RTEL1: variants seen among roughly 807,000 people sequenced by gnomAD.
The protein encoded by RTEL1 is regulator of telomere length.
A neutral mutation model predicts 162.2 loss-of-function variants in RTEL1; 86 were observed. The ratio of observed to expected loss-of-function variants is 0.53; its 90% CI spans 0.45 to 0.63. RTEL1 has a LOEUF of 0.63. Among genes scored for constraint, RTEL1 ranks in the 30% least tolerant of loss-of-function variants. The pLI, the probability that RTEL1 is intolerant of heterozygous loss-of-function variation, is 0.00. For synonymous variants in RTEL1, 958 were observed against 717.9 expected (o/e 1.33, Z -5.35); for missense variants, 1,941 against 1,750.2 (o/e 1.11, Z -1.95).
At chr20:63,681,333 G>A in intron 14 of RTEL1, 1 of 985,374 alleles carries the variant, frequency 1.0e-6, no homozygotes, top group African/African-American at 1.7e-5. Flanking sequence ...TGGGTGCTCT[G>A]GGCACGTTGC....
At position 63,691,001 on chromosome 20, in the gene RTEL1, C is replaced by T. The variant is rs564827784; in HGVS notation, c.2556+54C>T. ...CAGACCCTCTGTCTCCTGAGGCCAA[C>T]CCGACCCCGCCCATCTGGCCTCAGG... On this transcript the variant is annotated intron_variant, in intron 27 of 34. Transcript: ENST00000360203. 22 of 1,484,734 alleles carry T rather than the reference C, an allele frequency of 1.5e-5. No individual in the cohort carries two copies. The African/African-American group carries it at 2.8e-4, about 19-fold the overall frequency. The allele number at this position is 1,484,734 out of a possible 1,614,324, so 92.0% of individuals were successfully genotyped here. A position where few individuals can be genotyped will look rare whatever the true frequency, so the allele number is the denominator to read the frequency against.
chr20:63,660,900 C>A, intron 2 of RTEL1: 1 of 211,178 alleles, frequency 4.7e-6, no homozygotes. Context: ...CTTCCCCTCC[C>A]CGAGTTTCCT....
At position 63,691,819 on chromosome 20, in the gene RTEL1, C is replaced by G. The variant is rs778004637; in HGVS notation, c.2634C>G (p.Ile878Met). ...AEEPRGGRKK[I>M]RLVSHPEEPV... ...AACCGCGAGGAGGGAGGAAGAAGAT[C>G]CGGCTGGTCAGCCACCCGGTGCGTG... is the stretch of plus-strand genomic sequence containing the variant. Residue 878 changes from isoleucine (I) to methionine (M), a missense_variant, in exon 28 of 35, where the codon ATC becomes ATG. By Grantham distance (10) the Ile-to-Met change is conservative. Transcript: ENST00000360203. 4 of 1,611,592 alleles carry G rather than the reference C, an allele frequency of 2.5e-6. No individual in the cohort carries two copies. The highest frequency in any genetic ancestry group is 2.2e-5 in the East Asian group (1 of 44,874).
At chr20:63,662,009 TC>T in intron 4 of RTEL1, 66 bp downstream of exon 4, 1 of 1,199,114 alleles carries the variant, frequency 8.3e-7, no homozygotes, top group Non-Finnish European at 1.2e-6. Context: ...TGGTGCTGAG[TC>T]CACAGCCCCA....
intron 4 of RTEL1, among the ~76,000 whole-genome samples, chr20:63,662,196 G>A (rs1569080276): frequency 6.6e-6 from 1 of 152,220 alleles, no homozygotes; most frequent in Non-Finnish European, 1.5e-5. Flanking sequence ...CCTCGCAGGT[G>A]CTGTTGTAGC....
chr20:63,680,622 C>T (rs1484720592), intron 13 of RTEL1, 42 bp from the exon 14 acceptor site: 3 of 1,608,462 alleles, frequency 1.9e-6, no homozygotes, highest in Non-Finnish European at 1.7e-6. Context: ...TCGGGGCCTC[C>T]CCTGCCTGCA....
chr20:63,693,273 G>C lies in RTEL1; in HGVS notation c.2982G>C (p.Leu994=), dbSNP rs1187112291. 2.5e-6 allele frequency: 4 copies of C among 1,611,728 alleles called. No homozygotes were observed. The highest frequency in any genetic ancestry group is 2.2e-5 in the East Asian group (1 of 44,888). The change falls in exon 30 of 35, where the codon CTG becomes CTC. Residue 994 remains leucine, a synonymous_variant. Transcript: ENST00000360203. ...GAAGGCAGCGGGCACAGCCGGTCCT[G>C]GACCCCACTGGTAAATGGGGCCCCA... ...IPRRQRAQPV[L]DPTGRTAPDP...
intron 8 of RTEL1, among the ~76,000 whole-genome samples, chr20:63,667,980 C>T (rs2090170083): frequency 6.6e-6 from 1 of 151,606 alleles, no homozygotes; most frequent in Admixed American, 6.6e-5. Flanking sequence ...ACTCACTCCC[C>T]TCTTCCCAGT....
At chr20:63,670,696 A>T (rs1205561580) in intron 8 of RTEL1, among the ~76,000 whole-genome samples, 2 of 152,090 alleles carry the variant, frequency 1.3e-5, no homozygotes, top group African/African-American at 4.8e-5. Flanking sequence ...TCAAAGATTC[A>T]TATGTGGCCA....
In RTEL1 at chr20:63,693,172, AAGC is replaced by A; in HGVS notation, c.2887_2889del (p.Gln963del). On this transcript the variant is annotated inframe_deletion, in exon 30 of 35. Coordinates refer to ENST00000360203, the MANE Select transcript of RTEL1 (RefSeq NM_001283009.2). ...CTACCAGTTTGTGCGGCCCCACCAT[AAGC>A]AGCAGTTTGAGGAGGTCTGTATCCA... is the stretch of plus-strand genomic sequence containing the variant. 1 of 1,612,128 alleles carries A rather than the reference AAGC, an allele frequency of 6.2e-7. No homozygotes were observed. The highest frequency in any genetic ancestry group is 8.5e-7 in the Non-Finnish European group (1 of 1,179,530).
chr20:63,690,466 G>A (rs755521373), intron 26 of RTEL1, 25 bp downstream of exon 26: 12 of 1,539,964 alleles, frequency 7.8e-6, no homozygotes, highest in Non-Finnish European at 9.6e-6. Flanking sequence ...CGCTGGGTGG[G>A]CGGTGTGGGG....
At chr20:63,690,478 T>TGGGGGGGG in intron 26 of RTEL1, 37 bp downstream of exon 26, 2 of 553,868 alleles carry the variant, frequency 3.6e-6, no homozygotes, top group East Asian at 4.7e-5. Context: ...GGTGTGGGGG[T>TGGGGGGGG]GGCGGAGCGG....
intron 24 of RTEL1, 93 bp from the exon 25 acceptor site, chr20:63,689,994 G>A: frequency 6.4e-7 from 1 of 1,565,736 alleles, no homozygotes; most frequent in Non-Finnish European, 8.6e-7. Context: ...GGGTCAGCGT[G>A]GGGCCCCTGC....
chr20:63,674,528 C>T (rs543933029), intron 10 of RTEL1, among the ~76,000 whole-genome samples: 41 of 152,150 alleles, frequency 2.7e-4, no homozygotes, highest in African/African-American at 7.7e-4. Context: ...GGCAACATGG[C>T]GGAACCTCGC....
chr20:63,694,412 T>C lies in RTEL1; in HGVS notation c.3033T>C (p.Ala1011=), dbSNP rs574653429. The C allele has an allele frequency of 1.2e-6, 2 of 1,612,298 alleles. No homozygotes were observed. The highest frequency in any genetic ancestry group is 1.7e-6 in the Non-Finnish European group (2 of 1,179,636). Residue 1011 remains alanine (A), a synonymous_variant, in exon 31 of 35, where the codon GCT becomes GCC. Coordinates refer to ENST00000360203, the MANE Select transcript of RTEL1 (RefSeq NM_001283009.2). ...APDPKLTVST[A]AAQQLDPQEH... Reference sequence around the variant, plus strand: ...ATCCCAAGCTGACCGTGTCCACGGCTGCAGCCCAGCAGCTGGACCCCCAAG... The same window carrying C: ...ATCCCAAGCTGACCGTGTCCACGGCCGCAGCCCAGCAGCTGGACCCCCAAG...
In RTEL1 at chr20:63,667,041, G is replaced by C. The variant is rs138474680; in HGVS notation, c.615-428G>C. On this transcript the variant is annotated intron_variant, in intron 7 of 34. Transcript: ENST00000360203. ...TTTTTAGTAGAGACGGGGTTTCACC[G>C]TGTTAGCCAGGATGGTCTCGATCTT... is the stretch of plus-strand genomic sequence containing the variant. 3.8e-4 allele frequency among the ~76,000 whole-genome samples: 57 copies of C among 150,122 alleles called. 3 individuals carry two copies. The South Asian group carries it at 0.011, about 29-fold the overall frequency.
At chr20:63,695,043 G>A (rs759277779) in intron 32 of RTEL1, 23 bp from the exon 33 acceptor site, 2 of 1,610,306 alleles carry the variant, frequency 1.2e-6, no homozygotes, top group Non-Finnish European at 1.7e-6. Flanking sequence ...GGCTGTGCCG[G>A]GTCTGATTGA....
intron 32 of RTEL1, 27 bp downstream of exon 32, chr20:63,695,001 C>A: frequency 1.9e-6 from 3 of 1,610,770 alleles, no homozygotes; most frequent in Non-Finnish European, 8.5e-7. Context: ...TGGGGAACAG[C>A]CGGTGGGGTG....
At chr20:63,691,946 C>G in intron 28 of RTEL1, 109 bp downstream of exon 28, 2 of 792,608 alleles carry the variant, frequency 2.5e-6, no homozygotes, top group South Asian at 1.6e-5. Flanking sequence ...GGAATCCACC[C>G]CCAGGAGCTG....
Sources: allele counts gnomAD v4.1 joint callset (sites outside exome capture counted in the v4.1 genomes callset), GRCh38; gene constraint gnomAD v4.1.1; transcripts MANE v1.5; gene names NCBI Gene and HGNC (gene_info 2026-07-23, HGNC 2026-07-21).